RBL2: variants seen among roughly 807,000 people sequenced by gnomAD.
RBL2 encodes the protein RB transcriptional corepressor like 2.
A neutral mutation model predicts 126.0 loss-of-function variants in RBL2; 56 were observed. The ratio of observed to expected loss-of-function variants is 0.44; its 90% CI spans 0.36 to 0.56. The LOEUF is 0.56. RBL2 is among the 20% of genes least tolerant of loss of function. The pLI is 0.00. For missense variants in RBL2, 1,229 were observed against 1,398.2 expected (o/e 0.88, Z 1.93); for synonymous variants, 454 against 478.5 (o/e 0.95, Z 0.67).
In RBL2 at chr16:53,434,588, C is replaced by G. The variant is rs1182198128; in HGVS notation, c.32C>G (p.Pro11Arg). MPSGGDQSPPPPPPPPAAAAS... is the reference protein window; with the variant it reads MPSGGDQSPPRPPPPPAAAAS... ...TCGGGAGGTGACCAGTCGCCACCGC[C>G]CCCGCCTCCCCCTCCGGCGGCGGCA... Residue 11 changes from proline (P) to arginine (R), a missense_variant, in exon 1 of 22, where the codon CCC becomes CGC. By Grantham distance (103) the Pro-to-Arg change is moderately radical. This residue lies in a region of RBL2 where 159 missense variants were observed against 123.9 expected (regional missense o/e 1.28). Transcript: ENST00000262133. 10 of 1,542,136 alleles carry G rather than the reference C, an allele frequency of 6.5e-6. No homozygotes were observed. Among genetic ancestry groups the G allele is most frequent in the Non-Finnish European group, 7.8e-6 (9 of 1,153,234 alleles).
chr16:53,462,567 A>G lies in RBL2; in HGVS notation c.1472A>G (p.His491Arg), dbSNP rs1394685389. 1 of 1,552,304 alleles carries G rather than the reference A, an allele frequency of 6.4e-7. No homozygotes were observed. Among genetic ancestry groups the G allele is most frequent in the Non-Finnish European group, 8.6e-7 (1 of 1,158,338 alleles). ...SNCAKEIASK[H>R]FRFAEMLYYK... is the part of the protein sequence containing the mutation. Reference sequence around the variant, plus strand: ...ATTTCTACAGAAATTGCCAGCAAACATTTTCGTTTTGCGGAGATGCTTTAC... The same window carrying G: ...ATTTCTACAGAAATTGCCAGCAAACGTTTTCGTTTTGCGGAGATGCTTTAC... The change falls in exon 11 of 22, where the codon CAT becomes CGT. Residue 491 changes from histidine to arginine, a missense_variant. By Grantham distance (29) the His-to-Arg change is conservative. Transcript: ENST00000262133.
chr16:53,451,796 C>A lies in RBL2; in HGVS notation c.731C>A (p.Ser244Tyr). ...DLVYGNALQC[S>Y]NRKELVNPNF... ...GTTTATGGAAATGCACTTCAGTGTT[C>A]TAATCGTAAAGAACTTGTGAACCCT... is the stretch of plus-strand genomic sequence containing the variant. The change falls in exon 5 of 22, where the codon TCT (serine) becomes TAT (tyrosine). Residue 244 changes from serine (S) to tyrosine (Y), a missense_variant. Physicochemically the swap from Ser to Tyr is moderately radical, Grantham distance 144. Coordinates refer to ENST00000262133, the MANE Select transcript of RBL2 (RefSeq NM_005611.4). 6.2e-7 allele frequency: 1 copy of A among 1,613,744 alleles called. No homozygotes were observed. Among genetic ancestry groups the A allele is most frequent in the Non-Finnish European group, 8.5e-7 (1 of 1,179,794 alleles).
At chr16:53,477,154 G>C (rs1960755606) in intron 17 of RBL2, among the ~76,000 whole-genome samples, 1 of 152,066 alleles carries the variant, frequency 6.6e-6, no homozygotes, top group Non-Finnish European at 1.5e-5. Flanking sequence ...CTTAATTCCA[G>C]TGAGATATAG....
At chr16:53,465,629 A>T (rs770123263) in intron 13 of RBL2, 27 bp downstream of exon 13, 1 of 1,492,330 alleles carries the variant, frequency 6.7e-7, no homozygotes, top group Non-Finnish European at 9.0e-7. Context: ...TCTTTTTATG[A>T]GAAAAATACA....
intron 7 of RBL2, 51 bp from the exon 8 acceptor site, chr16:53,454,605 A>G (rs755804048): frequency 1.4e-6 from 2 of 1,405,486 alleles, no homozygotes; most frequent in African/African-American, 2.9e-5. Context: ...ATTAATTGAA[A>G]TGGCAGTTCT....
chr16:53,463,695 G>A (rs780091624), intron 11 of RBL2, among the ~76,000 whole-genome samples: 3 of 149,946 alleles, frequency 2.0e-5, no homozygotes, highest in East Asian at 4.0e-4. Context: ...CAGCCTCTGA[G>A]TAGCTGGGAC....
At chr16:53,439,282 A>G (rs1598085586) in intron 2 of RBL2, 136 bp downstream of exon 2, 2 of 674,274 alleles carry the variant, frequency 3.0e-6, no homozygotes, top group Admixed American at 7.2e-5. Context: ...TGCTAAAACT[A>G]GCATCTAATG....
At chr16:53,435,262 T>C (rs1384915393) in intron 1 of RBL2, among the ~76,000 whole-genome samples, 1 of 152,168 alleles carries the variant, frequency 6.6e-6, no homozygotes, top group African/African-American at 2.4e-5. Context: ...GCCTTTGCCC[T>C]GGCGTTGCGG....
chr16:53,453,806 A>G lies in RBL2; in HGVS notation c.992+37A>G, dbSNP rs753599538. 1.7e-4 allele frequency: 249 copies of G among 1,484,390 alleles called. No homozygotes were observed. In the Middle Eastern group the frequency reaches 2.7e-3, roughly 16 times the overall value. 92.0% of individuals were successfully genotyped at this position (1,484,390 alleles called of 1,614,324 possible). On this transcript the variant is annotated intron_variant, in intron 7 of 21. Coordinates refer to ENST00000262133, the MANE Select transcript of RBL2 (RefSeq NM_005611.4). ...TGTATAAAATGTTTTAATATTTTAA[A>G]TTGTATACTTAGGAAACTTCAGAAG...
intron 17 of RBL2, among the ~76,000 whole-genome samples, chr16:53,473,616 G>A (rs766678708): frequency 6.6e-5 from 10 of 151,716 alleles, no homozygotes; most frequent in Non-Finnish European, 1.2e-4. Context: ...TTTACTTCTT[G>A]TCCAAACTGG....
intron 17 of RBL2, among the ~76,000 whole-genome samples, chr16:53,471,447 C>T (rs2058322412): frequency 6.6e-6 from 1 of 152,064 alleles, no homozygotes; most frequent in Non-Finnish European, 1.5e-5. Context: ...AGGAGAAATT[C>T]ACATAACATA....
At chr16:53,436,900 G>A (rs111813480) in intron 1 of RBL2, among the ~76,000 whole-genome samples, 1 of 152,034 alleles carries the variant, frequency 6.6e-6, no homozygotes, top group Non-Finnish European at 1.5e-5. Flanking sequence ...TATTTTTTAG[G>A]ACCAAAGATA....
chr16:53,456,560 T>A (rs1238911319), intron 8 of RBL2, among the ~76,000 whole-genome samples: 1 of 152,158 alleles, frequency 6.6e-6, no homozygotes, highest in Admixed American at 6.5e-5. Context: ...GTGAATGATA[T>A]AAAAGCTAAA....
intron 19 of RBL2, chr16:53,480,269 T>C: frequency 1.9e-6 from 1 of 523,208 alleles, no homozygotes; most frequent in Non-Finnish European, 3.4e-6. Context: ...GGAACCATGC[T>C]ATGGAAATAC....
At chr16:53,470,970 G>C in intron 17 of RBL2, 48 bp downstream of exon 17, 1 of 1,533,882 alleles carries the variant, frequency 6.5e-7, no homozygotes, top group Non-Finnish European at 8.8e-7. Flanking sequence ...CTTCATTACT[G>C]AGAACATTTT....
chr16:53,466,870 T>C lies in RBL2; in HGVS notation c.1864-188T>C, dbSNP rs1270265903. ...GTTTGACTCATATTTAGTATCCAAT[T>C]ACAAGGTTTTGAATTTTTTGACTGC... On this transcript the variant is annotated intron_variant, in intron 13 of 21. Coordinates refer to ENST00000262133, the MANE Select transcript of RBL2 (RefSeq NM_005611.4). 3 of 520,168 alleles carry C rather than the reference T, an allele frequency of 5.8e-6. No homozygotes were observed. In the African/African-American group the frequency reaches 6.0e-5, roughly 10 times the overall value. 32.2% of individuals were successfully genotyped at this position (520,168 alleles called of 1,614,324 possible). A position where few individuals can be genotyped will look rare whatever the true frequency, so the allele number is the denominator to read the frequency against.
rs748481107 is a variant in RBL2 at position 53,459,554 on chromosome 16, G to A, written c.1283G>A (p.Arg428His). ...PVSTATHSLS[R>H]LHTMLTGLRN... ...TCTACAGCTACGCATAGCTTGAGTC[G>A]TCTTCACACCATGCTGACAGGCCTC... The change falls in exon 9 of 22, where the codon CGT becomes CAT. Residue 428 changes from arginine to histidine, a missense_variant. Around this residue, in one of 2 missense-constraint regions of RBL2, gnomAD observed 1,070 missense variants for 1,274.3 expected, o/e 0.84. Transcript: ENST00000262133. 12 of 1,607,304 alleles carry A rather than the reference G, an allele frequency of 7.5e-6. No homozygotes were observed. The highest frequency in any genetic ancestry group is 2.2e-5 in the South Asian group (2 of 89,698).
chr16:53,480,527 G>A lies in RBL2; in HGVS notation c.2882-40G>A, dbSNP rs1366223084. The A allele has an allele frequency of 1.9e-6, 3 of 1,538,916 alleles. No homozygotes were observed. In the South Asian group the frequency reaches 3.6e-5, roughly 18 times the overall value. ...TAAAAAATTAAAACAGTCAATATTA[G>A]CAGCCTTTGTACTGACAGCCTTTGT... On this transcript the variant is annotated intron_variant, in intron 19 of 21. Coordinates refer to ENST00000262133, the MANE Select transcript of RBL2 (RefSeq NM_005611.4).
Position 53,438,327 on chromosome 16 carries a change from A to G in RBL2, c.241-689A>G, listed in dbSNP as rs1048750252. Among the ~76,000 whole-genome samples, 3 of 152,214 alleles carry G rather than the reference A, an allele frequency of 2.0e-5. No individual in the cohort carries two copies. In the East Asian group the frequency reaches 5.8e-4, roughly 29 times the overall value. Reference sequence around the variant, plus strand: ...TGATCCAGGGTAGCTAAATTCTTACATGTTGGTTCAGGACTCCGAAGGCAC... The same window carrying G: ...TGATCCAGGGTAGCTAAATTCTTACGTGTTGGTTCAGGACTCCGAAGGCAC... On this transcript the variant is annotated intron_variant, in intron 1 of 21. Coordinates refer to ENST00000262133, the MANE Select transcript of RBL2 (RefSeq NM_005611.4).
Sources: allele counts gnomAD v4.1 joint callset (sites outside exome capture counted in the v4.1 genomes callset), GRCh38; gene constraint gnomAD v4.1.1; regional missense constraint gnomAD v4.1.1; transcripts MANE v1.5; gene names NCBI Gene and HGNC (gene_info 2026-07-23, HGNC 2026-07-21).